The following ZSCAN4 variants were observed in gnomAD, a reference collection of about 807,000 sequenced individuals.
The protein encoded by ZSCAN4 is zinc finger and SCAN domain-containing protein 4.
A neutral mutation model predicts 18.3 loss-of-function variants in ZSCAN4; 18 were observed. That is an observed-to-expected ratio of 0.98 (90% confidence interval 0.68 to 1.46). The LOEUF is 1.46. Ranked by LOEUF, ZSCAN4 falls within the 40% of genes most tolerant of loss-of-function variation. ZSCAN4 has a pLI of 0.00. For synonymous variants in ZSCAN4, 193 were observed against 180.3 expected, an observed-to-expected ratio of 1.07 and a Z score of -0.57; for missense variants, 498 against 511.4, an observed-to-expected ratio of 0.97 and a Z score of 0.25.
At chr19:57,655,559 C>T in the ZSCAN4 span, among the ~76,000 whole-genome samples, 1 of 152,088 alleles carries the variant, frequency 6.6e-6, no homozygotes, top group South Asian at 2.1e-4. Context: ...AAAAACTCAC[C>T]CTCTATCAAT....
At chr19:57,656,057 C>T in the ZSCAN4 span, among the ~76,000 whole-genome samples, 6 of 152,232 alleles carry the variant, frequency 3.9e-5, no homozygotes, top group Admixed American at 3.9e-4. Context: ...TTCTACACTC[C>T]CAAGCCTTAA....
intron 2 of ZSCAN4, among the ~76,000 whole-genome samples, chr19:57,674,730 C>A (rs934225148): frequency 2.6e-5 from 4 of 152,098 alleles, no homozygotes; most frequent in Admixed American, 6.6e-5. Context: ...TCTGAGAAAT[C>A]TCCATACTGT....
chr19:57,678,722 TA>T lies in ZSCAN4; in HGVS notation c.1124del (p.Lys375SerfsTer41), dbSNP rs1238164432. On this transcript the variant is annotated frameshift_variant, in exon 5 of 5. Transcript: ENST00000318203. LOFTEE classifies it low-confidence loss of function (END_TRUNC). ...AGAAGCCTTTCACATGCAGCATGTG[TA>T]AAAAGTCCTTCAGCCACAAAACCAA... The T allele has an allele frequency of 1.2e-6, 2 of 1,614,104 alleles. No individual in the cohort carries two copies. Among genetic ancestry groups the T allele is most frequent in the South Asian group, 1.1e-5 (1 of 91,088 alleles).
chr19:57,663,276 T>C, the ZSCAN4 span, among the ~76,000 whole-genome samples: 1 of 151,914 alleles, frequency 6.6e-6, no homozygotes, highest in Non-Finnish European at 1.5e-5. Context: ...CACTTCTATA[T>C]TTCAACTAAT....
intron 2 of ZSCAN4, among the ~76,000 whole-genome samples, chr19:57,675,444 G>A (rs116023281): frequency 0.022 from 3,331 of 152,018 alleles, 137 homozygotes; most frequent in African/African-American, 0.076. Context: ...AACCACACCC[G>A]GCAAGTTTTG....
the ZSCAN4 span, among the ~76,000 whole-genome samples, chr19:57,663,707 CAAA>C: frequency 0.027 from 2,356 of 87,854 alleles, 62 homozygotes; most frequent in African/African-American, 0.096. Flanking sequence ...CAACCTGTCT[CAAA>C]AAAAAAAAAA....
intron 2 of ZSCAN4, among the ~76,000 whole-genome samples, chr19:57,670,880 TC>T (rs1333174252): frequency 6.6e-6 from 1 of 151,728 alleles, no homozygotes; most frequent in African/African-American, 2.4e-5. Context: ...TTTTTTTTTT[TC>T]GAGACAAGAT....
At chr19:57,677,434 T>C (rs1269974784) in intron 3 of ZSCAN4, among the ~76,000 whole-genome samples, 1 of 152,158 alleles carries the variant, frequency 6.6e-6, no homozygotes, top group Non-Finnish European at 1.5e-5. Flanking sequence ...TTTTTTTGCT[T>C]TTTATTGATA....
At chr19:57,664,655 G>C, upstream of ZSCAN4, 3 of 210,554 alleles carry the variant, frequency 1.4e-5, no homozygotes, top group South Asian at 2.6e-4. Context: ...GCCGTCTCCT[G>C]CGGAGAATTC....
chr19:57,669,733 GT>G (rs56066537), intron 1 of ZSCAN4, among the ~76,000 whole-genome samples: 97,392 of 147,646 alleles, frequency 0.66, 33,758 homozygotes, highest in African/African-American at 0.9. Flanking sequence ...GTTTTGTTTT[GT>G]TTTTTTTTTA....
chr19:57,678,934 T>C (rs767419998), exon 5 of ZSCAN4: 3 of 1,537,786 alleles, frequency 2.0e-6, no homozygotes, highest in East Asian at 2.3e-5. Flanking sequence ...TGTATAAATA[T>C]GTATGCAAGT....
chr19:57,671,984 T>C (rs551465912), intron 2 of ZSCAN4, among the ~76,000 whole-genome samples: 1 of 152,344 alleles, frequency 6.6e-6, no homozygotes, highest in African/African-American at 2.4e-5. Flanking sequence ...TTTGAAATGT[T>C]AACCATATAT....
chr19:57,658,779 T>A, the ZSCAN4 span, among the ~76,000 whole-genome samples: 1 of 141,330 alleles, frequency 7.1e-6, no homozygotes, highest in Non-Finnish European at 1.5e-5. Flanking sequence ...AGTTGCAGTG[T>A]ACCAATATCA....
the ZSCAN4 span, among the ~76,000 whole-genome samples, chr19:57,655,042 T>TCTCA: frequency 6.6e-6 from 1 of 152,158 alleles, no homozygotes; most frequent in East Asian, 1.9e-4. Flanking sequence ...GGATATTAGG[T>TCTCA]CTCACTCACA....
upstream of ZSCAN4, among the ~76,000 whole-genome samples, chr19:57,667,006 C>T (rs779471153): frequency 5.9e-5 from 9 of 152,068 alleles, no homozygotes; most frequent in Non-Finnish European, 1.0e-4. Context: ...CACACTGGAG[C>T]GGGGATACTC....
chr19:57,677,867 G>C (rs751903914), intron 3 of ZSCAN4, 47 bp from the exon 4 acceptor site: 2 of 1,486,562 alleles, frequency 1.3e-6, no homozygotes, highest in Non-Finnish European at 1.8e-6. Context: ...AAAGTCTTCT[G>C]TTACACAACA....
At chr19:57,666,467 A>G (rs1983850484), upstream of ZSCAN4, among the ~76,000 whole-genome samples, 1 of 152,130 alleles carries the variant, frequency 6.6e-6, no homozygotes, top group Admixed American at 6.6e-5. Context: ...GTTCATAAAG[A>G]CATTTAGAAC....
chr19:57,658,398 A>G, the ZSCAN4 span, among the ~76,000 whole-genome samples: 1 of 152,346 alleles, frequency 6.6e-6, no homozygotes, highest in East Asian at 1.9e-4. Flanking sequence ...GGATTGTGGT[A>G]GTGGTTACAT....
the ZSCAN4 span, among the ~76,000 whole-genome samples, chr19:57,655,086 C>A: frequency 6.6e-6 from 1 of 152,166 alleles, no homozygotes; most frequent in Non-Finnish European, 1.5e-5. Context: ...GGTTACCTAC[C>A]TTGGACTTAT....
Sources: gnomAD v4.1 joint callset for allele counts (sites outside exome capture counted in the v4.1 genomes callset) on GRCh38, gnomAD v4.1.1 for gene constraint, MANE v1.5 for transcripts, NCBI Gene and HGNC (gene_info 2026-07-23, HGNC 2026-07-21) for gene names.